KBTBD13: variants seen among roughly 807,000 people sequenced by gnomAD.
The protein encoded by KBTBD13 is kelch repeat and BTB domain-containing protein 13.
In KBTBD13, 32 loss-of-function variants were observed where a neutral mutation model predicts 25.4. The observed-to-expected ratio is 1.26, with a 90% CI of 0.95 to 1.69. KBTBD13 has a LOEUF of 1.69. Among genes scored for constraint, KBTBD13 ranks in the 40% most tolerant of loss-of-function variants. The pLI, the probability that KBTBD13 is intolerant of heterozygous loss-of-function variation, is 0.00. For synonymous variants in KBTBD13, 436 were observed against 329.8 expected (o/e 1.32, Z -3.49); for missense variants, 898 against 679.5 (o/e 1.32, Z -3.57).
At position 65,077,065 on chromosome 15, in the gene KBTBD13, T is replaced by C. The variant is rs1004602137; in HGVS notation, c.250T>C (p.Cys84Arg). The C allele has an allele frequency of 1.1e-5, 16 of 1,513,674 alleles. No individual in the cohort carries two copies. In the East Asian group the frequency reaches 3.8e-4, roughly 36 times the overall value. 93.8% of individuals were successfully genotyped at this position (1,513,674 alleles called of 1,614,324 possible). The change falls in exon 1 of 1, where the codon TGC becomes CGC. Residue 84 changes from cysteine (C) to arginine (R), a missense_variant. By Grantham distance (180) the Cys-to-Arg change is radical. Coordinates refer to ENST00000432196, the MANE Select transcript of KBTBD13 (RefSeq NM_001101362.3). ...AEDELLQAVECAAFLQAPALA... is the reference protein window; with the variant it reads ...AEDELLQAVERAAFLQAPALA... Reference sequence around the variant, plus strand: ...GGACGAGCTGCTGCAGGCCGTGGAGTGCGCCGCCTTCCTCCAGGCGCCGGC... The same window carrying C: ...GGACGAGCTGCTGCAGGCCGTGGAGCGCGCCGCCTTCCTCCAGGCGCCGGC...
At position 65,077,146 on chromosome 15, in the gene KBTBD13, G is replaced by C. The variant is rs567309902; in HGVS notation, c.331G>C (p.Asp111His). The change falls in exon 1 of 1, where the codon GAC becomes CAC. Residue 111 changes from aspartate (D) to histidine (H), a missense_variant. Coordinates refer to ENST00000432196, the MANE Select transcript of KBTBD13 (RefSeq NM_001101362.3). ...GTCGGACAACTGCGCATTGCTGTGC[G>C]ACGCGGCCGCCGCCTTCGGCCTGCG... ...LTSDNCALLC[D>H]AAAAFGLRDV... The C allele has an allele frequency of 1.1e-5, 16 of 1,514,662 alleles. No individual in the cohort carries two copies. The highest frequency in any genetic ancestry group is 1.7e-4 in the Middle Eastern group (1 of 5,854). 93.8% of individuals were successfully genotyped at this position (1,514,662 alleles called of 1,614,324 possible). A position where few individuals can be genotyped will look rare whatever the true frequency, so the allele number is the denominator to read the frequency against.
At position 65,077,173 on chromosome 15, in the gene KBTBD13, GA is replaced by G. The variant is rs903604256; in HGVS notation, c.359del (p.Asp120AlafsTer41). 4.9e-5 allele frequency: 74 copies of G among 1,506,652 alleles called. No homozygotes were observed. The highest frequency in any genetic ancestry group is 5.4e-5 in the Non-Finnish European group (61 of 1,132,960). The allele number at this position is 1,506,652 out of a possible 1,614,324, so 93.3% of individuals were successfully genotyped here. Reference protein sequence around the residue: ...CDAAAAFGLRDVFHSAALFIC... With the variant: ...CDAAAAFGLRXVFHSAALFIC... ...CGCGGCCGCCGCCTTCGGCCTGCGC[GA>G]CGTGTTCCACAGTGCCGCGCTCTTC... On this transcript the variant is annotated frameshift_variant, in exon 1 of 1. Transcript: ENST00000432196. LOFTEE classifies it high-confidence loss of function.
chr15:65,078,404 G>A lies in KBTBD13; in HGVS notation c.*212G>A, dbSNP rs2087011325. Among the ~76,000 whole-genome samples the A allele has an allele frequency of 6.6e-6, 1 of 152,216 alleles. No homozygotes were observed. Among genetic ancestry groups the A allele is most frequent in the Non-Finnish European group, 1.5e-5 (1 of 68,050 alleles). ...TACTTGGGCTCTGCTGAGAGCTGGT[G>A]GGTCACAATGTCAGTGAACAGGGTA... On this transcript the variant is annotated 3_prime_UTR_variant, in exon 1 of 1. Transcript: ENST00000432196.
chr15:65,077,102 T>C lies in KBTBD13; in HGVS notation c.287T>C (p.Phe96Ser). Residue 96 changes from phenylalanine to serine, a missense_variant, in exon 1 of 1, where the codon TTT becomes TCT. Transcript: ENST00000432196. ...CTCCAGGCGCCGGCGCTGGCTCGCTTTCTGGAGCACAACCTCACGTCGGAC... is the reference window on the plus strand; with the variant it reads ...CTCCAGGCGCCGGCGCTGGCTCGCTCTCTGGAGCACAACCTCACGTCGGAC... Reference protein sequence around the residue: ...AFLQAPALARFLEHNLTSDNC... With the variant: ...AFLQAPALARSLEHNLTSDNC... 2.0e-6 allele frequency: 3 copies of C among 1,523,146 alleles called. No homozygotes were observed. The highest frequency in any genetic ancestry group is 1.2e-5 in the South Asian group (1 of 82,538). The allele number at this position is 1,523,146 out of a possible 1,614,324, so 94.4% of individuals were successfully genotyped here.
At position 65,078,137 on chromosome 15, in the gene KBTBD13, T is replaced by G. The variant is rs1005611902; in HGVS notation, c.1322T>G (p.Leu441Arg). The G allele has an allele frequency of 6.4e-7, 1 of 1,553,432 alleles. No individual in the cohort carries two copies. Among genetic ancestry groups the G allele is most frequent in the Non-Finnish European group, 8.7e-7 (1 of 1,154,870 alleles). ...CCCGGCTCCTTGCAGACCTTTCTCC[T>G]AAGGCTGCCTCCTGGCGCTCCTGGG... is the stretch of plus-strand genomic sequence containing the variant. The part of the protein sequence containing the change: ...PRPGSLQTFL[L>R]RLPPGAPGPV... Residue 441 changes from leucine (L) to arginine (R), a missense_variant, in exon 1 of 1, where the codon CTA (leucine) becomes CGA (arginine). Transcript: ENST00000432196.
Position 65,077,230 on chromosome 15 carries a change from G to T in KBTBD13, c.415G>T (p.Glu139Ter). The change falls in exon 1 of 1, where the codon GAA becomes TAA. Residue 139 changes from glutamate (E) to a stop codon, truncating the protein, a stop_gained. Transcript: ENST00000432196. LOFTEE classifies it high-confidence loss of function. ...ICDGERELAA[E>*]LALPEARAYV... ...CGACGGCGAGCGCGAGCTGGCGGCC[G>T]AACTGGCGCTGCCTGAGGCCCGCGC... 6.9e-7 allele frequency: 1 copy of T among 1,440,448 alleles called. No individual in the cohort carries two copies. Among genetic ancestry groups the T allele is most frequent in the Non-Finnish European group, 9.1e-7 (1 of 1,098,432 alleles). 89.2% of individuals were successfully genotyped at this position (1,440,448 alleles called of 1,614,324 possible).
At position 65,077,825 on chromosome 15, in the gene KBTBD13, G is replaced by A. The variant is rs771413223; in HGVS notation, c.1010G>A (p.Arg337Gln). The change falls in exon 1 of 1, where the codon CGG (arginine) becomes CAG (glutamine). Residue 337 changes from arginine (R) to glutamine (Q), a missense_variant. Arg to Gln is a conservative substitution (Grantham distance 43, BLOSUM62 1). Transcript: ENST00000432196. ...TDAWLPVAEL[R>Q]RPQSYGHCMV... is the part of the protein sequence containing the mutation. Reference sequence around the variant, plus strand: ...GCGTGGCTGCCAGTGGCCGAGCTGCGGCGTCCGCAGAGCTATGGCCACTGC... The same window carrying A: ...GCGTGGCTGCCAGTGGCCGAGCTGCAGCGTCCGCAGAGCTATGGCCACTGC... 94 of 1,606,868 alleles carry A rather than the reference G, an allele frequency of 5.8e-5. No homozygotes were observed. The East Asian group carries it at 6.9e-4, about 12-fold the overall frequency.
Position 65,077,134 on chromosome 15 carries a change from G to T in KBTBD13, c.319G>T (p.Ala107Ser). Residue 107 changes from alanine (A) to serine (S), a missense_variant, in exon 1 of 1, where the codon GCA (alanine) becomes TCA (serine). By Grantham distance (99) the Ala-to-Ser change is moderately conservative (BLOSUM62 1). Transcript: ENST00000432196. ...LEHNLTSDNC[A>S]LLCDAAAAFG... ...GCACAACCTCACGTCGGACAACTGCGCATTGCTGTGCGACGCGGCCGCCGC... is the reference window on the plus strand; with the variant it reads ...GCACAACCTCACGTCGGACAACTGCTCATTGCTGTGCGACGCGGCCGCCGC... 6.6e-7 allele frequency: 1 copy of T among 1,518,924 alleles called. No homozygotes were observed. The highest frequency in any genetic ancestry group is 8.8e-7 in the Non-Finnish European group (1 of 1,138,246). The allele number at this position is 1,518,924 out of a possible 1,614,324, so 94.1% of individuals were successfully genotyped here. A position where few individuals can be genotyped will look rare whatever the true frequency, so the allele number is the denominator to read the frequency against.
rs1291680168 is a variant in KBTBD13 at position 65,078,063 on chromosome 15, C to G, written c.1248C>G (p.Ile416Met). 6.2e-7 allele frequency: 1 copy of G among 1,600,294 alleles called. No homozygotes were observed. The highest frequency in any genetic ancestry group is 1.3e-5 in the African/African-American group (1 of 74,892). Residue 416 changes from isoleucine to methionine, a missense_variant, in exon 1 of 1, where the codon ATC becomes ATG. Ile to Met is a conservative substitution (Grantham distance 10, BLOSUM62 1). Coordinates refer to ENST00000432196, the MANE Select transcript of KBTBD13 (RefSeq NM_001101362.3). The part of the protein sequence containing the change: ...VNRMFTLLYA[I>M]EGGTWRLLRE... ...GCATGTTCACGCTGCTCTACGCCAT[C>G]GAGGGCGGCACCTGGCGGCTGCTCA...
chr15:65,079,317 C>T lies in KBTBD13; in HGVS notation c.*1125C>T. On this transcript the variant is annotated 3_prime_UTR_variant, in exon 1 of 1. Coordinates refer to ENST00000432196, the MANE Select transcript of KBTBD13 (RefSeq NM_001101362.3). ...GGGCTGGAATGCCTAGTCTCCTCCT[C>T]TCTCCCTGTCAGTGCTCTACCATCC... 6.6e-6 allele frequency among the ~76,000 whole-genome samples: 1 copy of T among 152,204 alleles called. No homozygotes were observed. The highest frequency in any genetic ancestry group is 1.5e-5 in the Non-Finnish European group (1 of 68,030).
In KBTBD13 at chr15:65,078,459, T is replaced by A. The variant is rs1173109332; in HGVS notation, c.*267T>A. Among the ~76,000 whole-genome samples, 4 of 152,212 alleles carry A rather than the reference T, an allele frequency of 2.6e-5. No individual in the cohort carries two copies. The highest frequency in any genetic ancestry group is 5.9e-5 in the Non-Finnish European group (4 of 68,042). On this transcript the variant is annotated 3_prime_UTR_variant, in exon 1 of 1. Transcript: ENST00000432196. The stretch of plus-strand genomic sequence containing the variant: ...GAGTTGGGATTTGAATAATCCGGGC[T>A]TATATGTAATGGGCTAGTGATTGAG...
chr15:65,077,035 G>T lies in KBTBD13; in HGVS notation c.220G>T (p.Ala74Ser). ...VLRGDRPALA[A>S]EDELLQAVEC... is the part of the protein sequence containing the mutation. ...GCGCGGCGACCGGCCGGCGCTGGCG[G>T]CGGAGGACGAGCTGCTGCAGGCCGT... The change falls in exon 1 of 1, where the codon GCG becomes TCG. Residue 74 changes from alanine (A) to serine (S), a missense_variant. Transcript: ENST00000432196. 1 of 1,498,834 alleles carries T rather than the reference G, an allele frequency of 6.7e-7. No individual in the cohort carries two copies. Among genetic ancestry groups the T allele is most frequent in the Non-Finnish European group, 8.9e-7 (1 of 1,126,962 alleles). 92.8% of individuals were successfully genotyped at this position (1,498,834 alleles called of 1,614,324 possible). A position where few individuals can be genotyped will look rare whatever the true frequency, so the allele number is the denominator to read the frequency against.
At position 65,079,181 on chromosome 15, in the gene KBTBD13, G is replaced by C. The variant is rs2087016603; in HGVS notation, c.*989G>C. Among the ~76,000 whole-genome samples, 1 of 152,136 alleles carries C rather than the reference G, an allele frequency of 6.6e-6. No individual in the cohort carries two copies. Among genetic ancestry groups the C allele is most frequent in the African/African-American group, 2.4e-5 (1 of 41,430 alleles). On this transcript the variant is annotated 3_prime_UTR_variant, in exon 1 of 1. Transcript: ENST00000432196. The stretch of plus-strand genomic sequence containing the variant: ...GGACTGTTAACCCACATGACTTCAG[G>C]TCAGTTGAGGTATGAGCCAAATCCT...
At position 65,076,912 on chromosome 15, in the gene KBTBD13, C is replaced by A. The variant is rs796124473; in HGVS notation, c.97C>A (p.Arg33=). 6.4e-7 allele frequency: 1 copy of A among 1,562,844 alleles called. No individual in the cohort carries two copies. Reference sequence around the variant, plus strand: ...GCTGGTGGAGCACTGTGGCTTCTTCCGAGGCCTCTTCCGCTCCGGCATGCG... The same window carrying A: ...GCTGGTGGAGCACTGTGGCTTCTTCAGAGGCCTCTTCCGCTCCGGCATGCG... The part of the protein sequence containing the change: ...ALLVEHCGFF[R]GLFRSGMRET... The change falls in exon 1 of 1, where the codon CGA becomes AGA. Residue 33 remains arginine, a synonymous_variant. Transcript: ENST00000432196.
rs1190691905 is a variant in KBTBD13, at chr15:65,078,018, C to T, written c.1203C>T (p.Asp401=). The change falls in exon 1 of 1, where the codon GAC becomes GAT. Residue 401 remains aspartate (D), a synonymous_variant. Transcript: ENST00000432196. The part of the protein sequence containing the change: ...GALFTAVVRG[D]TVYTVNRMFT... ...TCTTCACGGCCGTGGTGCGCGGTGA[C>T]ACCGTCTATACGGTCAACCGCATGT... 1 of 1,605,146 alleles carries T rather than the reference C, an allele frequency of 6.2e-7. No individual in the cohort carries two copies. The highest frequency in any genetic ancestry group is 1.1e-5 in the South Asian group (1 of 90,936).
chr15:65,076,930 G>A lies in KBTBD13; in HGVS notation c.115G>A (p.Gly39Ser), dbSNP rs201420126. Reference sequence around the variant, plus strand: ...CTTCTTCCGAGGCCTCTTCCGCTCCGGCATGCGGGAGACCCGCGCAGCAGA... The same window carrying A: ...CTTCTTCCGAGGCCTCTTCCGCTCCAGCATGCGGGAGACCCGCGCAGCAGA... Reference protein sequence around the residue: ...CGFFRGLFRSGMRETRAAEVR... With the variant: ...CGFFRGLFRSSMRETRAAEVR... The change falls in exon 1 of 1, where the codon GGC becomes AGC. Residue 39 changes from glycine (G) to serine (S), a missense_variant. Coordinates refer to ENST00000432196, the MANE Select transcript of KBTBD13 (RefSeq NM_001101362.3). 1.4e-5 allele frequency: 22 copies of A among 1,557,600 alleles called. No individual in the cohort carries two copies. The highest frequency in any genetic ancestry group is 1.1e-4 in the South Asian group (9 of 85,340).
At position 65,077,324 on chromosome 15, in the gene KBTBD13, T is replaced by C; in HGVS notation, c.509T>C (p.Leu170Pro). 4.9e-6 allele frequency: 7 copies of C among 1,433,648 alleles called. No individual in the cohort carries two copies. Among genetic ancestry groups the C allele is most frequent in the Non-Finnish European group, 6.4e-6 (7 of 1,096,762 alleles). The allele number at this position is 1,433,648 out of a possible 1,614,324, so 88.8% of individuals were successfully genotyped here. A position where few individuals can be genotyped will look rare whatever the true frequency, so the allele number is the denominator to read the frequency against. The change falls in exon 1 of 1, where the codon CTG becomes CCG. Residue 170 changes from leucine (L) to proline (P), a missense_variant. By Grantham distance (98) the Leu-to-Pro change is moderately conservative. Coordinates refer to ENST00000432196, the MANE Select transcript of KBTBD13 (RefSeq NM_001101362.3). ...VSTHTPAPGF[L>P]EDASRTLCYL... is the part of the protein sequence containing the mutation. ...ACGCACACGCCCGCGCCCGGCTTCC[T>C]GGAGGACGCCTCGCGCACGCTGTGT...
Position 65,077,902 on chromosome 15 carries a change from G to A in KBTBD13, c.1087G>A (p.Asp363Asn), listed in dbSNP as rs1394449332. ...TGTGGTGCGCAACGGACCTTCCGACGACTTCCTGCACTGCGCCATCGACTG... is the reference window on the plus strand; with the variant it reads ...TGTGGTGCGCAACGGACCTTCCGACAACTTCCTGCACTGCGCCATCGACTG... ...LYVVRNGPSD[D>N]FLHCAIDCLN... The change falls in exon 1 of 1, where the codon GAC becomes AAC. Residue 363 changes from aspartate to asparagine, a missense_variant. Physicochemically the swap from Asp to Asn is conservative, Grantham distance 23. Coordinates refer to ENST00000432196, the MANE Select transcript of KBTBD13 (RefSeq NM_001101362.3). 2.5e-6 allele frequency: 4 copies of A among 1,611,984 alleles called. No homozygotes were observed. Among genetic ancestry groups the A allele is most frequent in the Non-Finnish European group, 3.4e-6 (4 of 1,179,804 alleles).
Position 65,077,571 on chromosome 15 carries a change from G to T in KBTBD13, c.756G>T (p.Ala252=), listed in dbSNP as rs1431328866. The T allele has an allele frequency of 6.4e-7, 1 of 1,557,430 alleles. No homozygotes were observed. ...PSPHQPRYDT[A]LAGFDGRLYA... The stretch of plus-strand genomic sequence containing the variant: ...CGCACCAGCCGCGCTATGACACAGC[G>T]CTGGCCGGCTTCGACGGCCGCCTCT... The change falls in exon 1 of 1, where the codon GCG becomes GCT. Residue 252 remains alanine, a synonymous_variant. Coordinates refer to ENST00000432196, the MANE Select transcript of KBTBD13 (RefSeq NM_001101362.3).
Sources: allele counts gnomAD v4.1 joint callset (sites outside exome capture counted in the v4.1 genomes callset), GRCh38; gene constraint gnomAD v4.1.1; transcripts MANE v1.5; gene names NCBI Gene and HGNC (gene_info 2026-07-23, HGNC 2026-07-21).